The following DMBX1 variants were observed in gnomAD, a reference collection of about 807,000 sequenced individuals.
DMBX1 encodes diencephalon/mesencephalon homeobox protein 1.
A neutral mutation model predicts 30.4 loss-of-function variants in DMBX1; 7 were observed. The observed-to-expected ratio is 0.23, with a 90% CI of 0.13 to 0.43. The LOEUF (loss-of-function observed/expected upper bound fraction) is 0.43, where lower values mean the gene tolerates loss of function less well. Ranked by LOEUF, DMBX1 falls within the 20% of genes least tolerant of loss-of-function variation. The pLI, the probability that DMBX1 is intolerant of heterozygous loss-of-function variation, is 1.00. For missense variants in DMBX1, 460 were observed against 508.5 expected (o/e 0.90, Z 0.92); for synonymous variants, 222 against 214.2 (o/e 1.04, Z -0.32).
Position 46,510,996 on chromosome 1 carries a change from A to G in DMBX1, c.395A>G (p.Gln132Arg). ...AAGCAGCGTAGCCTGCAGAAGGAAC[A>G]GCTCCAGAAGCAGAAGGAGGCTGAG... Reference protein sequence around the residue: ...RKKQRSLQKEQLQKQKEAEGS... With the variant: ...RKKQRSLQKERLQKQKEAEGS... Residue 132 changes from glutamine (Q) to arginine (R), a missense_variant, in exon 5 of 6, where the codon CAG (glutamine) becomes CGG (arginine). Gln to Arg is a conservative substitution (Grantham distance 43). Transcript: ENST00000360032. This position sits in a 1 kb window ranked among gnomAD's most constrained non-coding sequence, Gnocchi z 4.1. 1.9e-6 allele frequency: 3 copies of G among 1,613,822 alleles called. No homozygotes were observed. The highest frequency in any genetic ancestry group is 2.5e-6 in the Non-Finnish European group (3 of 1,179,900).
At position 46,493,636 on chromosome 1, in the gene DMBX1, C is replaced by T. The variant is rs551335024; in HGVS notation, c.-13+2853C>T. On this transcript the variant is annotated intron_variant, in intron 2 of 5. Coordinates refer to ENST00000360032, the MANE Select transcript of DMBX1 (RefSeq NM_172225.2). The surrounding 1 kb of genome is among the most constrained non-coding windows in gnomAD (Gnocchi z 4.1). ...TTTCCCAGATGGGGTCACTCCTTCC[C>T]TCTGGTCTACAGCCACTGTGGGCGC... 2.0e-5 allele frequency among the ~76,000 whole-genome samples: 3 copies of T among 152,356 alleles called. No individual in the cohort carries two copies. Among genetic ancestry groups the T allele is most frequent in the African/African-American group, 7.2e-5 (3 of 41,582 alleles).
At chr1:46,505,680 G>T (rs1399892261) in intron 2 of DMBX1, among the ~76,000 whole-genome samples, 1 of 151,292 alleles carries the variant, frequency 6.6e-6, no homozygotes, top group African/African-American at 2.4e-5. Context: ...TAGCACACCA[G>T]CATGGCACAT....
In DMBX1 at chr1:46,510,684, G is replaced by C. The variant is rs1255647280; in HGVS notation, c.333+30G>C. 10 of 1,602,330 alleles carry C rather than the reference G, an allele frequency of 6.2e-6. No individual in the cohort carries two copies. The highest frequency in any genetic ancestry group is 8.5e-6 in the Non-Finnish European group (10 of 1,173,730). ...GGCCCAACTCTCCTAACTAGGCCTT[G>C]CAGACAAACACCAGCCCATCAGTCT... On this transcript the variant is annotated intron_variant, in intron 4 of 5. Coordinates refer to ENST00000360032, the MANE Select transcript of DMBX1 (RefSeq NM_172225.2). The surrounding 1 kb of genome is among the most constrained non-coding windows in gnomAD (Gnocchi z 4.1).
Position 46,511,064 on chromosome 1 carries a change from A to T in DMBX1, c.463A>T (p.Thr155Ser). 1.2e-6 allele frequency: 2 copies of T among 1,613,974 alleles called. No homozygotes were observed. Among genetic ancestry groups the T allele is most frequent in the Non-Finnish European group, 1.7e-6 (2 of 1,179,970 alleles). Residue 155 changes from threonine (T) to serine (S), a missense_variant, in exon 5 of 6, where the codon ACC becomes TCC. Around this residue, in one of 3 missense-constraint regions of DMBX1, gnomAD observed 334 missense variants for 345.1 expected, o/e 0.97. Transcript: ENST00000360032. ...EGKAEAPTPD[T>S]QLDTEQPPRL... Reference sequence around the variant, plus strand: ...CAAGGCCGAGGCCCCCACTCCAGATACCCAGCTGGACACTGAGCAGCCCCC... The same window carrying T: ...CAAGGCCGAGGCCCCCACTCCAGATTCCCAGCTGGACACTGAGCAGCCCCC...
intron 3 of DMBX1, among the ~76,000 whole-genome samples, chr1:46,509,229 C>T (rs538297888): frequency 4.3e-4 from 65 of 152,170 alleles, no homozygotes; most frequent in African/African-American, 1.4e-3. Flanking sequence ...CCCACCACCA[C>T]GCTCAGCTAA....
At chr1:46,504,490 G>GT (rs1255230940) in intron 2 of DMBX1, among the ~76,000 whole-genome samples, 3 of 150,538 alleles carry the variant, frequency 2.0e-5, no homozygotes, top group African/African-American at 7.4e-5. Context: ...CCCATTTCTT[G>GT]TTTTTCTCAG....
intron 2 of DMBX1, among the ~76,000 whole-genome samples, chr1:46,502,536 TTTC>T (rs1666157478): frequency 6.6e-6 from 1 of 152,106 alleles, no homozygotes; most frequent in African/African-American, 2.4e-5. Context: ...TCTCTCCACT[TTTC>T]TTCTTGCATC....
rs1665923439 is a variant in DMBX1, at chr1:46,491,197, G to C, written c.-13+414G>C. ...CAAATCTGGGGCCCCGACTTTTCCTGGATTCCAGCCACACTCGGTTTGGGA... is the reference window on the plus strand; with the variant it reads ...CAAATCTGGGGCCCCGACTTTTCCTCGATTCCAGCCACACTCGGTTTGGGA... On this transcript the variant is annotated intron_variant, in intron 2 of 5. Coordinates refer to ENST00000360032, the MANE Select transcript of DMBX1 (RefSeq NM_172225.2). This position sits in a 1 kb window ranked among gnomAD's most constrained non-coding sequence, Gnocchi z 5.5. 6.6e-6 allele frequency among the ~76,000 whole-genome samples: 1 copy of C among 152,216 alleles called. No homozygotes were observed. The highest frequency in any genetic ancestry group is 1.5e-5 in the Non-Finnish European group (1 of 68,042).
At chr1:46,503,955 C>T (rs1049252140) in intron 2 of DMBX1, among the ~76,000 whole-genome samples, 1 of 152,198 alleles carries the variant, frequency 6.6e-6, no homozygotes, top group Non-Finnish European at 1.5e-5. Context: ...AGGCTGGAGC[C>T]GTCTCAGTAG....
At chr1:46,503,713 A>G (rs1456421197) in intron 2 of DMBX1, among the ~76,000 whole-genome samples, 1 of 152,210 alleles carries the variant, frequency 6.6e-6, no homozygotes, top group Non-Finnish European at 1.5e-5. Context: ...GTTTGATTAT[A>G]TATAGCCTGT....
rs149299860 is a variant in DMBX1, at chr1:46,510,998, C to T, written c.397C>T (p.Leu133Phe). The T allele has an allele frequency of 3.7e-5, 60 of 1,613,776 alleles. No individual in the cohort carries two copies. The highest frequency in any genetic ancestry group is 4.7e-5 in the Non-Finnish European group (55 of 1,179,920). ...KKQRSLQKEQ[L>F]QKQKEAEGSH... ...GCAGCGTAGCCTGCAGAAGGAACAG[C>T]TCCAGAAGCAGAAGGAGGCTGAGGG... The change falls in exon 5 of 6, where the codon CTC becomes TTC. Residue 133 changes from leucine to phenylalanine, a missense_variant. By Grantham distance (22) the Leu-to-Phe change is conservative. Around this residue, in one of 3 missense-constraint regions of DMBX1, gnomAD observed 334 missense variants for 345.1 expected, o/e 0.97. Transcript: ENST00000360032. This position sits in a 1 kb window ranked among gnomAD's most constrained non-coding sequence, Gnocchi z 4.1.
At position 46,512,218 on chromosome 1, in the gene DMBX1, G is replaced by A. The variant is rs373688410; in HGVS notation, c.858G>A (p.Pro286=). Residue 286 remains proline (P), a synonymous_variant, in exon 6 of 6, where the codon CCG becomes CCA. Transcript: ENST00000360032. The surrounding 1 kb of genome is among the most constrained non-coding windows in gnomAD (Gnocchi z 4.8). ...ACTCGTCCTTCGAAGTAGGGGGTCCGGCCCCTGCTGCTGCAGCGGCGGCTG... is the reference window on the plus strand; with the variant it reads ...ACTCGTCCTTCGAAGTAGGGGGTCCAGCCCCTGCTGCTGCAGCGGCGGCTG... ...VHYSSFEVGG[P]APAAAAAAAA... 4.9e-5 allele frequency: 79 copies of A among 1,613,854 alleles called. 2 individuals carry two copies. The Middle Eastern group carries it at 4.9e-4, about 10-fold the overall frequency.
intron 5 of DMBX1, 142 bp downstream of exon 5, chr1:46,511,425 T>C: frequency 2.0e-6 from 2 of 1,017,298 alleles, no homozygotes; most frequent in Non-Finnish European, 2.7e-6. Flanking sequence ...GGCCAGGTTT[T>C]CACCCTTTAG....
chr1:46,509,254 A>G (rs182657588), intron 3 of DMBX1, among the ~76,000 whole-genome samples: 163 of 152,182 alleles, frequency 1.1e-3, no homozygotes, highest in African/African-American at 3.8e-3. Flanking sequence ...TTGTATTTTT[A>G]GTAGTGACAG....
intron 2 of DMBX1, among the ~76,000 whole-genome samples, chr1:46,495,906 A>G (rs1666016802): frequency 1.3e-5 from 2 of 152,132 alleles, no homozygotes; most frequent in African/African-American, 4.8e-5. Flanking sequence ...AGTGTACAGG[A>G]GGGAAGGAAG....
At chr1:46,511,379 A>AG in intron 5 of DMBX1, 96 bp downstream of exon 5, 1 of 1,302,430 alleles carries the variant, frequency 7.7e-7, no homozygotes, top group Non-Finnish European at 1.0e-6. Context: ...CCTCAGGGGC[A>AG]TGGCGCATCA....
chr1:46,505,639 T>C (rs1666219557), intron 2 of DMBX1, among the ~76,000 whole-genome samples: 1 of 151,770 alleles, frequency 6.6e-6, no homozygotes, highest in Admixed American at 6.6e-5. Flanking sequence ...TTGGGAGATA[T>C]ACCTAATGCT....
At chr1:46,494,547 G>A (rs915334631) in intron 2 of DMBX1, among the ~76,000 whole-genome samples, 5 of 152,152 alleles carry the variant, frequency 3.3e-5, no homozygotes, top group African/African-American at 7.2e-5. Context: ...CTCCTTCAAA[G>A]GGCCACTGGC....
chr1:46,511,765 G>T (rs779661894), intron 5 of DMBX1, among the ~76,000 whole-genome samples: 9 of 152,068 alleles, frequency 5.9e-5, no homozygotes, highest in Non-Finnish European at 1.3e-4. Context: ...TCTGGGCAGG[G>T]TGGGGGAGGG....
Sources: gnomAD v4.1 joint callset for allele counts (sites outside exome capture counted in the v4.1 genomes callset) on GRCh38, gnomAD v4.1.1 for gene constraint, gnomAD v4.1.1 regional missense constraint, Gnocchi (gnomAD v3.1) non-coding constraint, MANE v1.5 for transcripts, NCBI Gene and HGNC (gene_info 2026-07-23, HGNC 2026-07-21) for gene names.